The following IRAK1BP1 variants were observed in gnomAD, a reference collection of about 807,000 sequenced individuals.
IRAK1BP1 encodes the protein interleukin 1 receptor associated kinase 1 binding protein 1.
Under a neutral mutation model 28.0 loss-of-function variants are expected in IRAK1BP1, and 24 were observed. The observed-to-expected ratio is 0.86, with a 90% CI of 0.62 to 1.20. The LOEUF is 1.20. Among genes scored for constraint, IRAK1BP1 ranks in the 50% most tolerant of loss-of-function variants. The pLI, the probability that IRAK1BP1 is intolerant of heterozygous loss-of-function variation, is 0.00. For synonymous variants in IRAK1BP1, 131 were observed against 116.3 expected (o/e 1.13, Z -0.81); for missense variants, 336 against 316.7 (o/e 1.06, Z -0.46).
intron 1 of IRAK1BP1, among the ~76,000 whole-genome samples, chr6:78,875,812 C>T (rs1652685181): frequency 6.6e-6 from 1 of 152,138 alleles, no homozygotes; most frequent in Admixed American, 6.6e-5. Context: ...ACCTCAGCAT[C>T]ACGCAATGTA....
intron 1 of IRAK1BP1, chr6:78,871,596 C>T: frequency 1.1e-6 from 1 of 910,166 alleles, no homozygotes; most frequent in East Asian, 1.2e-4. Flanking sequence ...ATAGTTGAAA[C>T]CTAATCCCAA....
In IRAK1BP1 at chr6:78,902,991, G is replaced by T. The variant is rs1235480535; in HGVS notation, c.*4657G>T. ...TTATCAGAAGGATATTTCTGTTTCAGCAACTCCTGGAATCCTTCTTCAACA... is the reference window on the plus strand; with the variant it reads ...TTATCAGAAGGATATTTCTGTTTCATCAACTCCTGGAATCCTTCTTCAACA... On this transcript the variant is annotated 3_prime_UTR_variant, in exon 4 of 4. Coordinates refer to ENST00000369940, the MANE Select transcript of IRAK1BP1 (RefSeq NM_001010844.4). 6.8e-7 allele frequency: 1 copy of T among 1,461,846 alleles called. No individual in the cohort carries two copies. Among genetic ancestry groups the T allele is most frequent in the Non-Finnish European group, 9.3e-7 (1 of 1,080,720 alleles). The allele number at this position is 1,461,846 out of a possible 1,614,324, so 90.6% of individuals were successfully genotyped here. A position where few individuals can be genotyped will look rare whatever the true frequency, so the allele number is the denominator to read the frequency against.
the IRAK1BP1 span, among the ~76,000 whole-genome samples, chr6:78,954,020 T>C: frequency 6.6e-6 from 1 of 152,234 alleles, no homozygotes; most frequent in Admixed American, 6.5e-5. Context: ...ATGTATTCCA[T>C]AAAGATTACA....
At chr6:78,942,178 T>C (rs969138236) in intron 4 of IRAK1BP1, among the ~76,000 whole-genome samples, 1 of 152,138 alleles carries the variant, frequency 6.6e-6, no homozygotes, top group Non-Finnish European at 1.5e-5. Context: ...GAACTGTACT[T>C]TGTAAATAAG....
Position 78,872,122 on chromosome 6 carries a change from C to T in IRAK1BP1, c.315+4231C>T, listed in dbSNP as rs112195293. 2,644 of 701,700 alleles carry T rather than the reference C, an allele frequency of 3.8e-3. 48 individuals are homozygous for T. The African/African-American group carries it at 0.04, about 11-fold the overall frequency. 43.5% of individuals were successfully genotyped at this position (701,700 alleles called of 1,614,324 possible). A position where few individuals can be genotyped will look rare whatever the true frequency, so the allele number is the denominator to read the frequency against. ...CCCCAGCATCTTCACCCCTTGGGGT[C>T]GGATAATTCTGAGGTATGTGTTCCA... On this transcript the variant is annotated intron_variant, in intron 1 of 3. Coordinates refer to ENST00000369940, the MANE Select transcript of IRAK1BP1 (RefSeq NM_001010844.4).
rs576470470 is a variant in IRAK1BP1 at position 78,922,551 on chromosome 6, C to T, written c.*67+19441C>T. 6.6e-5 allele frequency among the ~76,000 whole-genome samples: 10 copies of T among 152,250 alleles called. No individual in the cohort carries two copies. The South Asian group carries it at 2.1e-3, about 32-fold the overall frequency. ...CAATCTAGCAAGGCAGGCCAACATT[C>T]AAATTCAGGAAATACAGAGAGTGCC... On this transcript the variant is annotated intron_variant and NMD_transcript_variant, in intron 4 of 4. Coordinates refer to the IRAK1BP1 transcript ENST00000606868.
chr6:78,889,467 C>A (rs1284650275), intron 2 of IRAK1BP1, among the ~76,000 whole-genome samples: 3 of 151,776 alleles, frequency 2.0e-5, no homozygotes, highest in Non-Finnish European at 4.4e-5. Context: ...GCAAAAGAAA[C>A]CATCATCGGA....
chr6:78,969,956 C>A, the IRAK1BP1 span: 3 of 1,567,888 alleles, frequency 1.9e-6, no homozygotes, highest in South Asian at 3.4e-5. Context: ...GGTCACATAC[C>A]TAAAAATACC....
At chr6:78,882,200 A>G (rs1771253971) in intron 1 of IRAK1BP1, among the ~76,000 whole-genome samples, 1 of 152,166 alleles carries the variant, frequency 6.6e-6, no homozygotes, top group South Asian at 2.1e-4. Flanking sequence ...AAACTGCATA[A>G]GCCTATAATA....
At chr6:78,924,460 G>T (rs879416630) in intron 4 of IRAK1BP1, among the ~76,000 whole-genome samples, 12 of 152,108 alleles carry the variant, frequency 7.9e-5, no homozygotes, top group Non-Finnish European at 1.8e-4. Flanking sequence ...AGGACCAGAT[G>T]GATTCACAGC....
At chr6:78,943,712 C>T (rs979390867) in intron 4 of IRAK1BP1, among the ~76,000 whole-genome samples, 1 of 151,898 alleles carries the variant, frequency 6.6e-6, no homozygotes, top group Non-Finnish European at 1.5e-5. Context: ...CTTGGCTGGG[C>T]GTGGTGGCTC....
downstream of IRAK1BP1, among the ~76,000 whole-genome samples, chr6:78,906,886 C>A (rs1380198153): frequency 6.6e-6 from 1 of 151,908 alleles, no homozygotes; most frequent in Non-Finnish European, 1.5e-5. Flanking sequence ...CCCTGAAATC[C>A]CAAAATACTA....
chr6:78,883,401 T>C (rs1173725248), intron 1 of IRAK1BP1, among the ~76,000 whole-genome samples: 1 of 152,228 alleles, frequency 6.6e-6, no homozygotes, highest in Non-Finnish European at 1.5e-5. Flanking sequence ...AGAATGTTAT[T>C]ACTTTTTGAT....
chr6:78,907,722 A>T (rs1200733244), downstream of IRAK1BP1, among the ~76,000 whole-genome samples: 3 of 151,914 alleles, frequency 2.0e-5, no homozygotes, highest in East Asian at 3.9e-4. Context: ...TTATTTATTT[A>T]TTATTATTTT....
chr6:78,959,678 A>T, the IRAK1BP1 span, among the ~76,000 whole-genome samples: 1 of 152,176 alleles, frequency 6.6e-6, no homozygotes, highest in African/African-American at 2.4e-5. Flanking sequence ...TCAGGTTGGA[A>T]AACAGGCAAT....
intron 1 of IRAK1BP1, chr6:78,871,883 C>T: frequency 1.9e-6 from 1 of 520,964 alleles, no homozygotes; most frequent in Non-Finnish European, 3.4e-6. Context: ...TGGCACTTCA[C>T]ATTTGTGTGC....
the IRAK1BP1 span, among the ~76,000 whole-genome samples, chr6:78,978,288 A>G: frequency 6.6e-6 from 1 of 152,088 alleles, no homozygotes; most frequent in Non-Finnish European, 1.5e-5. Context: ...CTTAAGATAA[A>G]TGAATATATT....
At chr6:78,966,177 A>G in the IRAK1BP1 span, 1 of 641,626 alleles carries the variant, frequency 1.6e-6, no homozygotes, top group Non-Finnish European at 2.8e-6. Flanking sequence ...CAAAAAGTGA[A>G]CCACAAACTC....
intron 4 of IRAK1BP1, chr6:78,940,535 G>A: frequency 6.0e-6 from 1 of 165,400 alleles, no homozygotes; most frequent in Admixed American, 7.3e-5. Context: ...GAAGTGAAGT[G>A]TCTCGTAAGT....
Sources: allele counts gnomAD v4.1 joint callset (sites outside exome capture counted in the v4.1 genomes callset), GRCh38; gene constraint gnomAD v4.1.1; transcripts MANE v1.5; gene names NCBI Gene and HGNC (gene_info 2026-07-23, HGNC 2026-07-21).